AFDN: variants seen among roughly 807,000 people sequenced by gnomAD.
AFDN encodes afadin, adherens junction formation factor, also known as afadin.
AFDN carries 68 observed loss-of-function variants against 216.6 expected under a neutral mutation model. The ratio of observed to expected loss-of-function variants is 0.31; its 90% CI spans 0.26 to 0.38. The LOEUF is 0.38. AFDN is among the 10% of genes least tolerant of loss of function. The pLI, the probability that AFDN is intolerant of heterozygous loss-of-function variation, is 1.00. For missense variants in AFDN, 2,136 were observed against 2,342.0 expected, an observed-to-expected ratio of 0.91 and a Z score of 1.82; for synonymous variants, 868 against 853.7, an observed-to-expected ratio of 1.02 and a Z score of -0.29.
Position 167,969,762 on chromosome 6 carries a change from G to T in AFDN, c.5343-20G>T. On this transcript the variant is annotated intron_variant, in intron 33 of 33. Transcript: ENST00000683244. ...GTTTCTAGTTTGTCCAGTAATCTTT[G>T]ATATTGCCCTCTTCTGCAGCCAAGA... The T allele has an allele frequency of 6.3e-7, 1 of 1,583,750 alleles. No individual in the cohort carries two copies. The highest frequency in any genetic ancestry group is 8.5e-7 in the Non-Finnish European group (1 of 1,169,794).
At position 167,896,952 on chromosome 6, in the gene AFDN, T is replaced by C; in HGVS notation, c.1297T>C (p.Leu433=). The change falls in exon 10 of 34, where the codon TTG becomes CTG. Residue 433 remains leucine, a synonymous_variant. Transcript: ENST00000683244. ...TGTTACTGAAGTTGGGACAGAAAAG[T>C]TGGATGACAACTCTATCCAGGTACG... is the stretch of plus-strand genomic sequence containing the variant. ...LSVTEVGTEK[L]DDNSIQLFGP... The C allele has an allele frequency of 6.2e-7, 1 of 1,612,324 alleles. No homozygotes were observed. Among genetic ancestry groups the C allele is most frequent in the Non-Finnish European group, 8.5e-7 (1 of 1,178,446 alleles).
chr6:167,924,863 A>AT lies in AFDN; in HGVS notation c.3013-134dup, dbSNP rs57378583. 3,379 of 740,662 alleles carry AT rather than the reference A, an allele frequency of 4.6e-3. 78 individuals carry two copies. In the African/African-American group the frequency reaches 0.051, roughly 11 times the overall value. 45.9% of individuals were successfully genotyped at this position (740,662 alleles called of 1,614,324 possible). ...CTGAAGAGTATCTATATTAATTGAA[A>AT]TTTTTTTTACTGTTTATCTTCTCAT... On this transcript the variant is annotated intron_variant, in intron 22 of 33. Coordinates refer to ENST00000683244, the MANE Select transcript of AFDN (RefSeq NM_001386888.1).
chr6:167,918,885 A>C lies in AFDN; in HGVS notation c.2860A>C (p.Asn954His). The C allele has an allele frequency of 1.2e-6, 2 of 1,614,126 alleles. No individual in the cohort carries two copies. The highest frequency in any genetic ancestry group is 1.7e-6 in the Non-Finnish European group (2 of 1,180,006). ...EDGYSCDVVR[N>H]IPNGLQEFLD... ...TGGTTATTCTTGTGATGTTGTCAGA[A>C]ACATTCCAAATGGTTTACAAGAATT... The change falls in exon 21 of 34, where the codon AAC becomes CAC. Residue 954 changes from asparagine (N) to histidine (H), a missense_variant. Coordinates refer to ENST00000683244, the MANE Select transcript of AFDN (RefSeq NM_001386888.1).
At chr6:167,966,698 A>C (rs1021845873) in intron 32 of AFDN, among the ~76,000 whole-genome samples, 1 of 152,090 alleles carries the variant, frequency 6.6e-6, no homozygotes, top group Non-Finnish European at 1.5e-5. Flanking sequence ...TCCTTTATTT[A>C]ATGTTGGCAG....
At chr6:167,955,160 G>C (rs2128709290) in intron 30 of AFDN, among the ~76,000 whole-genome samples, 1 of 152,190 alleles carries the variant, frequency 6.6e-6, no homozygotes, top group Middle Eastern at 3.4e-3. Flanking sequence ...ATTATACTCT[G>C]ATATATTTAT....
At chr6:167,933,359 T>C (rs1793567126) in intron 23 of AFDN, among the ~76,000 whole-genome samples, 1 of 152,234 alleles carries the variant, frequency 6.6e-6, no homozygotes, top group Non-Finnish European at 1.5e-5. Context: ...AAAAATGAGA[T>C]GGTAAAGACT....
chr6:167,893,077 C>T (rs1457913240), intron 8 of AFDN, among the ~76,000 whole-genome samples: 1 of 152,162 alleles, frequency 6.6e-6, no homozygotes, highest in African/African-American at 2.4e-5. Context: ...CCCGACTTCT[C>T]CTGAGCCCTG....
chr6:167,881,421 T>A (rs1400858891), intron 6 of AFDN, among the ~76,000 whole-genome samples: 1 of 152,158 alleles, frequency 6.6e-6, no homozygotes, highest in Admixed American at 6.5e-5. Context: ...AGAGATGAGA[T>A]GACAAGAGAT....
intron 23 of AFDN, among the ~76,000 whole-genome samples, chr6:167,936,744 C>G (rs1354320438): frequency 6.6e-6 from 1 of 152,010 alleles, no homozygotes; most frequent in East Asian, 1.9e-4. Context: ...CTGCTCTTCC[C>G]CCAGTCAGGG....
At chr6:167,924,914 G>T (rs1216275131) in intron 22 of AFDN, 91 bp from the exon 23 acceptor site, 2 of 919,432 alleles carry the variant, frequency 2.2e-6, no homozygotes, top group Admixed American at 3.4e-5. Context: ...ATTTGCTCCA[G>T]TGAACATGAT....
intron 8 of AFDN, 123 bp from the exon 9 acceptor site, chr6:167,893,739 C>T (rs987960754): frequency 5.5e-6 from 4 of 733,740 alleles, no homozygotes; most frequent in South Asian, 1.6e-5. Context: ...TCCTTTGAAA[C>T]GTGTCTCACT....
chr6:167,866,716 G>A (rs941749567), intron 2 of AFDN, among the ~76,000 whole-genome samples: 6 of 152,152 alleles, frequency 3.9e-5, no homozygotes, highest in Non-Finnish European at 7.3e-5. Flanking sequence ...TTATTACAGC[G>A]TTACGGAAAA....
At position 167,894,613 on chromosome 6, in the gene AFDN, G is replaced by A. The variant is rs149591223; in HGVS notation, c.1222+707G>A. ...CCACCATTTAGGTTCTTCAAAATCT[G>A]TAACAGCTTTAACTATGGTTTCCTA... is the stretch of plus-strand genomic sequence containing the variant. On this transcript the variant is annotated intron_variant, in intron 9 of 33. Coordinates refer to ENST00000683244, the MANE Select transcript of AFDN (RefSeq NM_001386888.1). Among the ~76,000 whole-genome samples, 185 of 151,914 alleles carry A rather than the reference G, an allele frequency of 1.2e-3. 2 individuals are homozygous for A. The highest frequency in any genetic ancestry group is 4.2e-3 in the African/African-American group (174 of 41,506).
Position 167,962,629 on chromosome 6 carries a change from T to C in AFDN, c.4968+62T>C, listed in dbSNP as rs770724631. ...GTTAGCCTGAACGTAATCGATTGGC[T>C]GGGGCAGAGCGGGCTGGAAGTTCTG... On this transcript the variant is annotated intron_variant, in intron 31 of 33. Coordinates refer to ENST00000683244, the MANE Select transcript of AFDN (RefSeq NM_001386888.1). The surrounding 1 kb of genome is among the most constrained non-coding windows in gnomAD (Gnocchi z 5.2). The C allele has an allele frequency of 3.9e-5, 63 of 1,609,600 alleles. No individual in the cohort carries two copies. The South Asian group carries it at 6.8e-4, about 17-fold the overall frequency.
At chr6:167,942,901 C>G (rs979661769) in intron 23 of AFDN, among the ~76,000 whole-genome samples, 1 of 152,136 alleles carries the variant, frequency 6.6e-6, no homozygotes, top group Non-Finnish European at 1.5e-5. Flanking sequence ...CAGAACTATT[C>G]TTAAATTAAC....
At chr6:167,898,872 A>G (rs1296147957) in intron 11 of AFDN, among the ~76,000 whole-genome samples, 1 of 152,246 alleles carries the variant, frequency 6.6e-6, no homozygotes, top group Non-Finnish European at 1.5e-5. Flanking sequence ...AGAATATTTT[A>G]GCTCCACCTA....
intron 15 of AFDN, chr6:167,911,839 G>C: frequency 3.3e-6 from 1 of 299,956 alleles, no homozygotes; most frequent in South Asian, 3.6e-5. Flanking sequence ...CAATTCAGTC[G>C]CATTTGGTGC....
At chr6:167,835,312 A>G (rs1780299169) in intron 1 of AFDN, among the ~76,000 whole-genome samples, 1 of 152,202 alleles carries the variant, frequency 6.6e-6, no homozygotes, top group Non-Finnish European at 1.5e-5. Context: ...AGCTTGCGTT[A>G]TTCATTTTTG....
At chr6:167,858,763 A>G (rs1309519867) in intron 1 of AFDN, among the ~76,000 whole-genome samples, 1 of 152,204 alleles carries the variant, frequency 6.6e-6, no homozygotes, top group Non-Finnish European at 1.5e-5. Flanking sequence ...CTTGTTTGCC[A>G]GTTTACATTG....
Sources: allele counts gnomAD v4.1 joint callset (sites outside exome capture counted in the v4.1 genomes callset), GRCh38; gene constraint gnomAD v4.1.1; non-coding constraint Gnocchi (gnomAD v3.1); transcripts MANE v1.5; gene names NCBI Gene and HGNC (gene_info 2026-07-23, HGNC 2026-07-21).